The following GABBR2 variants were observed in gnomAD, a reference collection of about 807,000 sequenced individuals.
The protein encoded by GABBR2 is G-protein coupled receptor 51.
GABBR2 carries 23 observed loss-of-function variants against 105.6 expected under a neutral mutation model. The ratio of observed to expected loss-of-function variants is 0.22; its 90% CI spans 0.16 to 0.31. The LOEUF (loss-of-function observed/expected upper bound fraction) is 0.31, where lower values mean the gene tolerates loss of function less well. Ranked by LOEUF, GABBR2 falls within the 10% of genes least tolerant of loss-of-function variation. The pLI is 1.00. For missense variants in GABBR2, 734 were observed against 1,245.5 expected (o/e 0.59, Z 6.18); for synonymous variants, 478 against 499.7 (o/e 0.96, Z 0.58).
chr9:98,581,358 A>G, intron 1 of GABBR2, among the ~76,000 whole-genome samples: 1 of 152,240 alleles, frequency 6.6e-6, no homozygotes, highest in East Asian at 1.9e-4. Context: ...AGAGCTCTCA[A>G]CATCAGGGTA....
At chr9:98,323,741 C>T (rs769466319) in intron 13 of GABBR2, among the ~76,000 whole-genome samples, 1 of 152,238 alleles carries the variant, frequency 6.6e-6, no homozygotes, top group Non-Finnish European at 1.5e-5. Context: ...GAGGCTGTGT[C>T]TCTCATCACC....
intron 17 of GABBR2, among the ~76,000 whole-genome samples, chr9:98,298,385 G>A (rs1736275909): frequency 6.6e-6 from 1 of 152,144 alleles, no homozygotes; most frequent in African/African-American, 2.4e-5. Context: ...CTCACCTACA[G>A]ACAGCACTGT....
At chr9:98,470,829 A>G (rs1335391530) in intron 6 of GABBR2, among the ~76,000 whole-genome samples, 1 of 151,786 alleles carries the variant, frequency 6.6e-6, no homozygotes, top group African/African-American at 2.4e-5. Flanking sequence ...TTGCATTAAC[A>G]TATTTTGTTT....
chr9:98,343,292 C>A lies in GABBR2; in HGVS notation c.1893+19423G>T, dbSNP rs779035843. ...TGGGGACCAGGATGAGAGAAGACTT[C>A]GGGGTGTGCAGGCAGCCTCAGGATC... On this transcript the variant is annotated intron_variant, in intron 13 of 18. Coordinates refer to ENST00000259455, the MANE Select transcript of GABBR2 (RefSeq NM_005458.8). Among the ~76,000 whole-genome samples the A allele has an allele frequency of 2.0e-5, 3 of 152,156 alleles. No individual in the cohort carries two copies. The East Asian group carries it at 5.8e-4, about 29-fold the overall frequency.
chr9:98,590,058 C>G (rs897386251), intron 1 of GABBR2, among the ~76,000 whole-genome samples: 4 of 152,166 alleles, frequency 2.6e-5, no homozygotes, highest in Non-Finnish European at 2.9e-5. Flanking sequence ...GCCTCTGTCC[C>G]CCTTTGCCTA....
chr9:98,570,071 T>C (rs1828806332), intron 2 of GABBR2, among the ~76,000 whole-genome samples: 1 of 152,202 alleles, frequency 6.6e-6, no homozygotes. Flanking sequence ...CCTAAACGTA[T>C]TGGGACTCCA....
chr9:98,410,111 T>C (rs1477099018), intron 7 of GABBR2, among the ~76,000 whole-genome samples: 1 of 151,658 alleles, frequency 6.6e-6, no homozygotes, highest in African/African-American at 2.4e-5. Context: ...CACCCCAGCT[T>C]GAGCTGGAAT....
At chr9:98,417,723 A>G (rs1427429232) in intron 7 of GABBR2, among the ~76,000 whole-genome samples, 2 of 152,176 alleles carry the variant, frequency 1.3e-5, no homozygotes, top group South Asian at 4.1e-4. Context: ...TCTAACAGAG[A>G]TGACAGAATT....
intron 1 of GABBR2, among the ~76,000 whole-genome samples, chr9:98,651,139 G>GTTTTTTTTTTTTTTTTTTTTTTT (rs55727456): frequency 7.7e-6 from 1 of 129,572 alleles, no homozygotes; most frequent in Non-Finnish European, 1.6e-5. Flanking sequence ...ACACACACTG[G>GTTTTTTTTTTTTTTTTTTTTTTT]TTTTTTTTTT....
At chr9:98,382,390 T>TG (rs1333298358) in intron 11 of GABBR2, among the ~76,000 whole-genome samples, 1 of 152,116 alleles carries the variant, frequency 6.6e-6, no homozygotes, top group Non-Finnish European at 1.5e-5. Flanking sequence ...CTCGGCTCAC[T>TG]GCAAGCTCCG....
chr9:98,638,504 T>C (rs1015126168), intron 1 of GABBR2, among the ~76,000 whole-genome samples: 20 of 151,964 alleles, frequency 1.3e-4, no homozygotes, highest in South Asian at 4.2e-4. Context: ...ACTGACCGAG[T>C]GGTTAAGATA....
At chr9:98,534,291 C>T (rs1002089956) in intron 3 of GABBR2, among the ~76,000 whole-genome samples, 6 of 127,218 alleles carry the variant, frequency 4.7e-5, no homozygotes, top group African/African-American at 8.7e-5. Flanking sequence ...TCAGAAGCCT[C>T]GAGATCACTG....
At chr9:98,589,871 C>T (rs1483135884) in intron 1 of GABBR2, among the ~76,000 whole-genome samples, 1 of 152,050 alleles carries the variant, frequency 6.6e-6, no homozygotes, top group Non-Finnish European at 1.5e-5. Flanking sequence ...CACACCACCA[C>T]CACCACACTA....
intron 2 of GABBR2, among the ~76,000 whole-genome samples, chr9:98,567,516 A>C (rs1322921149): frequency 1.3e-5 from 2 of 152,172 alleles, no homozygotes; most frequent in African/African-American, 4.8e-5. Context: ...GGTGAGAGTT[A>C]ATTTCATCCA....
intron 1 of GABBR2, among the ~76,000 whole-genome samples, chr9:98,683,624 A>G (rs898209787): frequency 1.3e-5 from 2 of 152,098 alleles, no homozygotes; most frequent in African/African-American, 2.4e-5. Flanking sequence ...GGAGATGCGC[A>G]TCTATTTTGT....
At chr9:98,626,362 T>C (rs1829736473) in intron 1 of GABBR2, among the ~76,000 whole-genome samples, 1 of 151,862 alleles carries the variant, frequency 6.6e-6, no homozygotes, top group South Asian at 2.1e-4. Flanking sequence ...CAAAAACACT[T>C]AGATTACACA....
chr9:98,536,441 TGGTTGGGTAGACCATAA>T (rs1286711796), intron 3 of GABBR2, among the ~76,000 whole-genome samples: 6 of 152,194 alleles, frequency 3.9e-5, no homozygotes, highest in Non-Finnish European at 7.3e-5. Context: ...TTGGTGAGGA[TGGTTGGGTAGACCATAA>T]GACTTGAAAA....
At chr9:98,384,634 A>C (rs192882023) in intron 11 of GABBR2, among the ~76,000 whole-genome samples, 4 of 152,304 alleles carry the variant, frequency 2.6e-5, no homozygotes, top group Admixed American at 2.6e-4. Context: ...GCATTTCTTT[A>C]GGCATTAAAC....
chr9:98,695,040 A>G (rs1830731166), intron 1 of GABBR2, among the ~76,000 whole-genome samples: 3 of 152,230 alleles, frequency 2.0e-5, no homozygotes, highest in Admixed American at 1.3e-4. Flanking sequence ...GTTCAACTGG[A>G]ACAATCCATT....
Sources: gnomAD v4.1 joint callset for allele counts (sites outside exome capture counted in the v4.1 genomes callset) on GRCh38, gnomAD v4.1.1 for gene constraint, MANE v1.5 for transcripts, NCBI Gene and HGNC (gene_info 2026-07-23, HGNC 2026-07-21) for gene names.